NR6A1: variants seen among roughly 807,000 people sequenced by gnomAD.
NR6A1 encodes the protein retinoic acid receptor-related testis-associated receptor.
A neutral mutation model predicts 59.1 loss-of-function variants in NR6A1; 7 were observed. The ratio of observed to expected loss-of-function variants is 0.12; its 90% CI spans 0.07 to 0.22. NR6A1 has a LOEUF of 0.22. Ranked by LOEUF, NR6A1 falls within the 10% of genes least tolerant of loss-of-function variation. NR6A1 has a pLI of 1.00. For missense variants in NR6A1, 468 were observed against 611.6 expected, an observed-to-expected ratio of 0.77 and a Z score of 2.48; for synonymous variants, 243 against 236.1, an observed-to-expected ratio of 1.03 and a Z score of -0.27.
chr9:124,585,699 C>T (rs1232105904), intron 2 of NR6A1, among the ~76,000 whole-genome samples: 2 of 151,912 alleles, frequency 1.3e-5, no homozygotes, highest in Non-Finnish European at 2.9e-5. Context: ...AAGAAGACAC[C>T]ATCTACGGGC....
At chr9:124,594,688 A>G (rs1383691791) in intron 2 of NR6A1, among the ~76,000 whole-genome samples, 3 of 152,232 alleles carry the variant, frequency 2.0e-5, no homozygotes, top group African/African-American at 7.2e-5. Flanking sequence ...CTAAAAACCA[A>G]TAATTCTGGC....
intron 2 of NR6A1, among the ~76,000 whole-genome samples, chr9:124,724,517 G>C (rs1839656307): frequency 7.0e-6 from 1 of 142,900 alleles, no homozygotes; most frequent in Admixed American, 7.1e-5. Context: ...TTGAACATCA[G>C]ACAACATAGC....
At chr9:124,718,442 G>A (rs1839466121) in intron 2 of NR6A1, among the ~76,000 whole-genome samples, 1 of 152,140 alleles carries the variant, frequency 6.6e-6, no homozygotes, top group Non-Finnish European at 1.5e-5. Context: ...TGAGGACTCT[G>A]ATTCCCCCTT....
chr9:124,608,021 G>A (rs1476159277), intron 2 of NR6A1, among the ~76,000 whole-genome samples: 2 of 152,082 alleles, frequency 1.3e-5, no homozygotes, highest in African/African-American at 4.8e-5. Flanking sequence ...ACAGTGAGCC[G>A]TGATCACGCC....
intron 1 of NR6A1, among the ~76,000 whole-genome samples, chr9:124,754,942 C>A (rs78572755): frequency 1.1e-4 from 16 of 152,234 alleles, no homozygotes; most frequent in South Asian, 1.0e-3. Flanking sequence ...TCTCCACCCC[C>A]CTTCCACTCA....
chr9:124,714,994 T>C (rs1315483581), intron 2 of NR6A1, among the ~76,000 whole-genome samples: 1 of 151,866 alleles, frequency 6.6e-6, no homozygotes, highest in African/African-American at 2.4e-5. Context: ...GGTCAAGAGA[T>C]CGACACCATC....
At chr9:124,596,006 T>TAA (rs1216203085) in intron 2 of NR6A1, 1 of 154,558 alleles carries the variant, frequency 6.5e-6, no homozygotes, top group African/African-American at 2.4e-5. Context: ...GTGGAACTGA[T>TAA]AGACTTATTT....
rs533170323 is a variant in NR6A1, at chr9:124,732,082, T to A, written c.142+1226A>T. On this transcript the variant is annotated intron_variant, in intron 2 of 9. Coordinates refer to ENST00000487099, the MANE Select transcript of NR6A1 (RefSeq NM_033334.4). ...TTGATAAGCATCATGAGAACTATTT[T>A]GCCTAAAAATTAATAAGTATTAGTT... Among the ~76,000 whole-genome samples, 91 of 152,338 alleles carry A rather than the reference T, an allele frequency of 6.0e-4. 1 individual carries two copies. In the South Asian group the frequency reaches 0.018, roughly 31 times the overall value.
chr9:124,745,139 T>C (rs1840287468), intron 1 of NR6A1, among the ~76,000 whole-genome samples: 1 of 152,188 alleles, frequency 6.6e-6, no homozygotes, highest in South Asian at 2.1e-4. Context: ...AATGGAATAT[T>C]TTGCGAACAC....
At chr9:124,598,013 C>T (rs893380876) in intron 2 of NR6A1, among the ~76,000 whole-genome samples, 1 of 152,072 alleles carries the variant, frequency 6.6e-6, no homozygotes, top group Non-Finnish European at 1.5e-5. Context: ...CCACGCCTGG[C>T]TAATTTGTAA....
chr9:124,527,983 T>C (rs1355286853), intron 7 of NR6A1, among the ~76,000 whole-genome samples: 1 of 152,168 alleles, frequency 6.6e-6, no homozygotes, highest in Non-Finnish European at 1.5e-5. Context: ...GGTCCCAGAA[T>C]AGGCCTTAGA....
At position 124,619,850 on chromosome 9, in the gene NR6A1, C is replaced by A. The variant is rs147065906; in HGVS notation, c.143-65280G>T. 1.0e-3 allele frequency among the ~76,000 whole-genome samples: 156 copies of A among 152,078 alleles called. 1 individual carries two copies. The East Asian group carries it at 0.025, about 24-fold the overall frequency. ...GCCGAGGCAGGTGGATCACCTGAGG[C>A]CAGGAGTTCGAGACCAGCCTGACCA... On this transcript the variant is annotated intron_variant, in intron 2 of 9. Coordinates refer to ENST00000487099, the MANE Select transcript of NR6A1 (RefSeq NM_033334.4).
At chr9:124,669,203 C>T (rs907509254) in intron 2 of NR6A1, among the ~76,000 whole-genome samples, 1 of 152,156 alleles carries the variant, frequency 6.6e-6, no homozygotes, top group Non-Finnish European at 1.5e-5. Flanking sequence ...ACATCGAAAA[C>T]ACTGTTCATA....
chr9:124,736,962 T>A (rs191110999), intron 1 of NR6A1, among the ~76,000 whole-genome samples: 28 of 152,346 alleles, frequency 1.8e-4, no homozygotes, highest in African/African-American at 6.3e-4. Context: ...TCCAATTCAG[T>A]GCTGTGTCTA....
chr9:124,523,230 C>T (rs188804352), intron 9 of NR6A1, among the ~76,000 whole-genome samples: 1 of 152,220 alleles, frequency 6.6e-6, no homozygotes. Flanking sequence ...TATTGCACTT[C>T]AGAATGGTTT....
intron 2 of NR6A1, among the ~76,000 whole-genome samples, chr9:124,731,763 G>C (rs1839889529): frequency 6.6e-6 from 1 of 152,020 alleles, no homozygotes; most frequent in African/African-American, 2.4e-5. Context: ...GTACTTTATT[G>C]TAACAATATA....
intron 2 of NR6A1, among the ~76,000 whole-genome samples, chr9:124,653,819 G>A (rs563471108): frequency 2.4e-4 from 36 of 152,312 alleles, no homozygotes; most frequent in African/African-American, 6.5e-4. Context: ...TTTATGAATA[G>A]TAAGAAAGTT....
At chr9:124,617,942 T>C (rs1011279147) in intron 2 of NR6A1, among the ~76,000 whole-genome samples, 4 of 152,160 alleles carry the variant, frequency 2.6e-5, no homozygotes. Context: ...ATACTGGCCA[T>C]GCCAAACCTT....
intron 2 of NR6A1, among the ~76,000 whole-genome samples, chr9:124,666,092 G>A (rs1564226519): frequency 6.6e-6 from 1 of 151,990 alleles, no homozygotes; most frequent in Non-Finnish European, 1.5e-5. Flanking sequence ...TTTCTCACTA[G>A]TAGACTCAAT....
Sources: allele counts gnomAD v4.1 joint callset (sites outside exome capture counted in the v4.1 genomes callset), GRCh38; gene constraint gnomAD v4.1.1; transcripts MANE v1.5; gene names NCBI Gene and HGNC (gene_info 2026-07-23, HGNC 2026-07-21).